Variants in TPO observed in about 807,000 individuals in gnomAD.
TPO encodes thyroid peroxidase, also known as thyroid microsomal antigen.
TPO carries 78 observed loss-of-function variants against 96.9 expected under a neutral mutation model. The ratio of observed to expected loss-of-function variants is 0.81; its 90% CI spans 0.67 to 0.97. TPO has a LOEUF of 0.97. Ranked by LOEUF, TPO falls within the 50% of genes least tolerant of loss-of-function variation. The pLI, the probability that TPO is intolerant of heterozygous loss-of-function variation, is 0.00. For missense variants in TPO, 1,252 were observed against 1,274.8 expected (o/e 0.98, Z 0.27); for synonymous variants, 547 against 538.0 (o/e 1.02, Z -0.23).
At chr2:1,475,785 C>T (rs7424680) in intron 7 of TPO, among the ~76,000 whole-genome samples, 99,462 of 151,672 alleles carry the variant, frequency 0.66, 33,319 homozygotes, top group African/African-American at 0.8. Flanking sequence ...TCTTTTTTAA[C>T]GTGGACCCTG....
chr2:1,376,104 C>G (rs1661718493), intron 1 of TPO, among the ~76,000 whole-genome samples: 1 of 152,178 alleles, frequency 6.6e-6, no homozygotes, highest in South Asian at 2.1e-4. Flanking sequence ...ACCATCTGTT[C>G]CTCCGAGGAG....
Position 1,477,083 on chromosome 2 carries a change from C to T in TPO, c.820-3C>T. 6.2e-7 allele frequency: 1 copy of T among 1,601,366 alleles called. No individual in the cohort carries two copies. Among genetic ancestry groups the T allele is most frequent in the Non-Finnish European group, 8.5e-7 (1 of 1,177,402 alleles). On this transcript the variant is annotated splice_polypyrimidine_tract_variant and splice_region_variant and intron_variant, in intron 7 of 16. Coordinates refer to ENST00000329066, the MANE Select transcript of TPO (RefSeq NM_001206744.2). ...GTGACCTTGAACTCCCCTTTGCCTGCAGCTCCCGGAGGAGGCCCGGCCGGC... is the reference window on the plus strand; with the variant it reads ...GTGACCTTGAACTCCCCTTTGCCTGTAGCTCCCGGAGGAGGCCCGGCCGGC...
chr2:1,428,423 C>T (rs1283975265), intron 3 of TPO, among the ~76,000 whole-genome samples: 2 of 152,194 alleles, frequency 1.3e-5, no homozygotes, highest in Non-Finnish European at 2.9e-5. Flanking sequence ...GTCCTCTGAG[C>T]TACACGGCAG....
At chr2:1,508,871 G>A (rs1317374956) in intron 14 of TPO, among the ~76,000 whole-genome samples, 1 of 152,130 alleles carries the variant, frequency 6.6e-6, no homozygotes, top group African/African-American at 2.4e-5. Context: ...AGGGTTTTAT[G>A]TATCTCTATT....
rs1245551201 is a variant in TPO at position 1,543,413 on chromosome 2, C to T, written c.*939C>T. ...CTAATTCATGGATAAAACAGACCATCGAGGCAGCACTGAATGATCTCACCC... is the reference window on the plus strand; with the variant it reads ...CTAATTCATGGATAAAACAGACCATTGAGGCAGCACTGAATGATCTCACCC... On this transcript the variant is annotated 3_prime_UTR_variant, in exon 17 of 17. Transcript: ENST00000329066. 6.6e-6 allele frequency: 1 copy of T among 152,156 alleles called. No individual in the cohort carries two copies. Among genetic ancestry groups the T allele is most frequent in the African/African-American group, 2.4e-5 (1 of 41,426 alleles). 9.4% of individuals were successfully genotyped at this position (152,156 alleles called of 1,614,324 possible).
At chr2:1,524,033 T>TCCCCCCTAATCTCTGCAAACTC (rs1675830203) in intron 15 of TPO, among the ~76,000 whole-genome samples, 6 of 20,218 alleles carry the variant, frequency 3.0e-4, no homozygotes, top group East Asian at 1.5e-3. Flanking sequence ...TGTGCAACCT[T>TCCCCCCTAATCTCTGCAAACTC]CCCAAATCCC....
intron 15 of TPO, among the ~76,000 whole-genome samples, chr2:1,529,073 A>G (rs1677342873): frequency 8.6e-6 from 1 of 116,246 alleles, no homozygotes; most frequent in Non-Finnish European, 1.7e-5. Flanking sequence ...CAACTTCCCT[A>G]AATCCCCCCA....
At chr2:1,539,556 G>A (rs575098432) in intron 15 of TPO, among the ~76,000 whole-genome samples, 3 of 152,176 alleles carry the variant, frequency 2.0e-5, no homozygotes, top group South Asian at 2.1e-4. Context: ...CACCTAGGTC[G>A]GAGTCCGCAA....
intron 1 of TPO, among the ~76,000 whole-genome samples, chr2:1,392,074 G>T (rs1202779227): frequency 6.6e-6 from 1 of 152,136 alleles, no homozygotes; most frequent in Admixed American, 6.5e-5. Flanking sequence ...TGGTGAGAGA[G>T]GGCATCCTTG....
chr2:1,414,769 T>G (rs1358539968), intron 2 of TPO, among the ~76,000 whole-genome samples: 2 of 152,326 alleles, frequency 1.3e-5, no homozygotes, highest in African/African-American at 4.8e-5. Flanking sequence ...AAAAAAAAAT[T>G]CTTTGGGAGT....
At chr2:1,500,743 G>A (rs1173966849) in intron 13 of TPO, among the ~76,000 whole-genome samples, 1 of 151,972 alleles carries the variant, frequency 6.6e-6, no homozygotes, top group East Asian at 1.9e-4. Flanking sequence ...GAGGCAGGTG[G>A]ATCATGAAGT....
Position 1,542,813 on chromosome 2 carries a change from C to A in TPO, c.*339C>A, listed in dbSNP as rs1680904705. ...CTGGCATCTCTGATGCCGTGCTCGT[C>A]TGCACTCTGCCCCGGCGGTCCCTCC... On this transcript the variant is annotated 3_prime_UTR_variant, in exon 17 of 17. Transcript: ENST00000329066. 2.0e-6 allele frequency: 1 copy of A among 500,050 alleles called. No individual in the cohort carries two copies. The highest frequency in any genetic ancestry group is 3.5e-6 in the Non-Finnish European group (1 of 288,388). 31.0% of individuals were successfully genotyped at this position (500,050 alleles called of 1,614,324 possible). A position where few individuals can be genotyped will look rare whatever the true frequency, so the allele number is the denominator to read the frequency against.
chr2:1,381,902 C>G (rs1661815978), intron 1 of TPO, among the ~76,000 whole-genome samples: 1 of 152,100 alleles, frequency 6.6e-6, no homozygotes, highest in African/African-American at 2.4e-5. Flanking sequence ...ATTGTCTCTA[C>G]CTCATGAAAT....
chr2:1,475,892 G>A (rs900802595), intron 7 of TPO, among the ~76,000 whole-genome samples: 1 of 152,250 alleles, frequency 6.6e-6, no homozygotes, highest in African/African-American at 2.4e-5. Context: ...GCCCAGAGGG[G>A]TTCTGACAGC....
chr2:1,503,566 C>T (rs891636290), intron 13 of TPO, among the ~76,000 whole-genome samples: 5 of 152,156 alleles, frequency 3.3e-5, no homozygotes, highest in African/African-American at 1.2e-4. Context: ...CAGCTGGGAG[C>T]ATCTGCCTGG....
intron 10 of TPO, among the ~76,000 whole-genome samples, chr2:1,488,499 C>T (rs28911488): frequency 0.02 from 3,118 of 152,248 alleles, 111 homozygotes; most frequent in African/African-American, 0.072. Flanking sequence ...CACCCGGCTC[C>T]TGCCTTTCCC....
intron 16 of TPO, 82 bp downstream of exon 16, chr2:1,540,805 G>A: frequency 1.2e-6 from 2 of 1,609,428 alleles, no homozygotes; most frequent in Admixed American, 1.7e-5. Flanking sequence ...CTCTGCTGGG[G>A]CTCCCTGCAT....
chr2:1,531,771 A>C (rs192142697), intron 15 of TPO, among the ~76,000 whole-genome samples: 99 of 2,336 alleles, frequency 0.042, 1 homozygote, highest in Admixed American at 0.05. Context: ...TCCCCAAATC[A>C]CCCCCACTCT....
intron 1 of TPO, among the ~76,000 whole-genome samples, chr2:1,388,148 T>A (rs1661931856): frequency 1.3e-5 from 2 of 152,370 alleles, no homozygotes; most frequent in South Asian, 4.1e-4. Context: ...GTTAGGCTAC[T>A]TGGGGGTTAG....
Sources: allele counts gnomAD v4.1 joint callset (sites outside exome capture counted in the v4.1 genomes callset), GRCh38; gene constraint gnomAD v4.1.1; transcripts MANE v1.5; gene names NCBI Gene and HGNC (gene_info 2026-07-23, HGNC 2026-07-21).